Variants in GNAQ observed in about 807,000 individuals in gnomAD.
The protein encoded by GNAQ is G protein subunit alpha q.
GNAQ carries 8 observed loss-of-function variants against 43.9 expected under a neutral mutation model. The ratio of observed to expected loss-of-function variants is 0.18; its 90% CI spans 0.11 to 0.33. GNAQ has a LOEUF of 0.33. GNAQ is among the 10% of genes least tolerant of loss of function. GNAQ has a pLI of 1.00. For missense variants in GNAQ, 158 were observed against 450.8 expected, an observed-to-expected ratio of 0.35 and a Z score of 5.88; for synonymous variants, 155 against 170.7, an observed-to-expected ratio of 0.91 and a Z score of 0.71.
At chr9:77,964,851 T>C (rs956134934) in intron 1 of GNAQ, among the ~76,000 whole-genome samples, 1 of 152,116 alleles carries the variant, frequency 6.6e-6, no homozygotes, top group African/African-American at 2.4e-5. Context: ...GAACTCATTT[T>C]TATAACTAAT....
At chr9:77,958,491 A>C (rs1257118989) in intron 1 of GNAQ, among the ~76,000 whole-genome samples, 1 of 152,252 alleles carries the variant, frequency 6.6e-6, no homozygotes, top group Non-Finnish European at 1.5e-5. Flanking sequence ...CTATTCACTA[A>C]TGGGAAAATT....
At chr9:78,010,689 T>A (rs1823763343) in intron 1 of GNAQ, among the ~76,000 whole-genome samples, 1 of 151,780 alleles carries the variant, frequency 6.6e-6, no homozygotes, top group Non-Finnish European at 1.5e-5. Flanking sequence ...AGAAAAAAAA[T>A]GTAGAAAGAA....
intron 2 of GNAQ, among the ~76,000 whole-genome samples, chr9:77,860,461 G>A (rs1217703666): frequency 6.6e-6 from 1 of 152,220 alleles, no homozygotes; most frequent in Non-Finnish European, 1.5e-5. Flanking sequence ...CAGAGATTGA[G>A]TAGGTGAGGC....
At chr9:77,781,009 A>G (rs183417842) in intron 5 of GNAQ, among the ~76,000 whole-genome samples, 4 of 145,670 alleles carry the variant, frequency 2.7e-5, no homozygotes, top group African/African-American at 7.6e-5. Flanking sequence ...TTCTAGATAT[A>G]TATTAACCCC....
intron 2 of GNAQ, among the ~76,000 whole-genome samples, chr9:77,835,677 T>C (rs552818061): frequency 6.6e-6 from 1 of 152,154 alleles, no homozygotes; most frequent in Non-Finnish European, 1.5e-5. Flanking sequence ...TTAAGGTAGG[T>C]AATACTATTA....
intron 1 of GNAQ, among the ~76,000 whole-genome samples, chr9:77,981,973 C>T (rs763382079): frequency 2.0e-4 from 31 of 152,138 alleles, no homozygotes; most frequent in Non-Finnish European, 4.3e-4. Context: ...GAGGAGGGTG[C>T]TCTGTTCTGT....
At chr9:77,767,868 A>C (rs916019669) in intron 5 of GNAQ, among the ~76,000 whole-genome samples, 3 of 152,160 alleles carry the variant, frequency 2.0e-5, no homozygotes, top group African/African-American at 7.2e-5. Context: ...AGAGTACCCT[A>C]ATATACTCTC....
chr9:77,947,884 G>C (rs1822924217), intron 1 of GNAQ, among the ~76,000 whole-genome samples: 2 of 152,126 alleles, frequency 1.3e-5, no homozygotes, highest in Non-Finnish European at 2.9e-5. Flanking sequence ...TCACAGCCCA[G>C]CTACTTAACA....
rs139889646 is a variant in GNAQ at position 77,981,136 on chromosome 9, T to C, written c.136+49964A>G. Among the ~76,000 whole-genome samples, 384 of 152,338 alleles carry C rather than the reference T, an allele frequency of 2.5e-3. 4 individuals carry two copies. Among genetic ancestry groups the C allele is most frequent in the African/African-American group, 8.5e-3 (355 of 41,576 alleles). ...TATTTAATTACATTAGTATACAATA[T>C]TATGTAAGCCTTTACTTTCATTATT... is the stretch of plus-strand genomic sequence containing the variant. On this transcript the variant is annotated intron_variant, in intron 1 of 6. Coordinates refer to ENST00000286548, the MANE Select transcript of GNAQ (RefSeq NM_002072.5).
At chr9:77,755,570 T>C (rs944373318) in intron 5 of GNAQ, among the ~76,000 whole-genome samples, 1 of 152,232 alleles carries the variant, frequency 6.6e-6, no homozygotes, top group Admixed American at 6.5e-5. Context: ...AAGAACATGT[T>C]TGTGCATGTA....
At chr9:77,782,970 T>C (rs1288876331) in intron 5 of GNAQ, among the ~76,000 whole-genome samples, 2 of 152,158 alleles carry the variant, frequency 1.3e-5, no homozygotes, top group Admixed American at 6.5e-5. Flanking sequence ...GAAAGATTAG[T>C]GGTTGCCAAA....
chr9:77,789,420 C>T (rs750170129), intron 5 of GNAQ, among the ~76,000 whole-genome samples: 30 of 151,876 alleles, frequency 2.0e-4, no homozygotes, highest in African/African-American at 6.0e-4. Context: ...AAAGATAACC[C>T]AAAGGAAAAA....
intron 1 of GNAQ, among the ~76,000 whole-genome samples, chr9:77,984,411 C>T (rs1409710159): frequency 1.3e-5 from 2 of 152,018 alleles, no homozygotes; most frequent in Admixed American, 1.3e-4. Context: ...TCAAGCAATT[C>T]GGCCTCCCAA....
chr9:77,976,441 G>T (rs931106115), intron 1 of GNAQ, among the ~76,000 whole-genome samples: 1 of 151,940 alleles, frequency 6.6e-6, no homozygotes. Context: ...TGCCCAGGCT[G>T]GAGTGCAATG....
chr9:78,011,316 A>G (rs1294743852), intron 1 of GNAQ, among the ~76,000 whole-genome samples: 4 of 152,184 alleles, frequency 2.6e-5, no homozygotes, highest in Admixed American at 2.0e-4. Flanking sequence ...GACCCAAGAC[A>G]AATAGGGAAG....
chr9:77,855,684 G>C (rs1587947100), intron 2 of GNAQ, among the ~76,000 whole-genome samples: 1 of 151,850 alleles, frequency 6.6e-6, no homozygotes, highest in Non-Finnish European at 1.5e-5. Flanking sequence ...AGTATTTCAA[G>C]GCAAAGATGC....
intron 2 of GNAQ, among the ~76,000 whole-genome samples, chr9:77,826,885 C>T (rs1465911922): frequency 1.3e-5 from 2 of 152,176 alleles, no homozygotes; most frequent in Non-Finnish European, 2.9e-5. Context: ...CTTACACAAC[C>T]CTTTTTTTGT....
rs562254223 is a variant in GNAQ at position 77,982,733 on chromosome 9, T to TA, written c.136+48366dup. 2.2e-3 allele frequency among the ~76,000 whole-genome samples: 266 copies of TA among 121,816 alleles called. 1 individual carries two copies. Among genetic ancestry groups the TA allele is most frequent in the African/African-American group, 2.6e-3 (85 of 32,664 alleles). 79.9% of individuals were successfully genotyped at this position (121,816 alleles called of 152,430 possible). On this transcript the variant is annotated intron_variant, in intron 1 of 6. Transcript: ENST00000286548. ...TGTATCGAACTGTTGATTCTATGTT[T>TA]AAAAAAAAAAAAAAAAAAGTCAAAA...
In GNAQ at chr9:77,955,254, C is replaced by T. The variant is rs1000161952; in HGVS notation, c.137-32909G>A. On this transcript the variant is annotated intron_variant, in intron 1 of 6. Coordinates refer to ENST00000286548, the MANE Select transcript of GNAQ (RefSeq NM_002072.5). Reference sequence around the variant, plus strand: ...GCCGCCCAGGTTCAAGCAATTCTTCCGCCTCAGCCTCCTGAGTAGCTGGGA... The same window carrying T: ...GCCGCCCAGGTTCAAGCAATTCTTCTGCCTCAGCCTCCTGAGTAGCTGGGA... Among the ~76,000 whole-genome samples the T allele has an allele frequency of 7.9e-5, 12 of 152,198 alleles. No individual in the cohort carries two copies. The South Asian group carries it at 1.2e-3, about 16-fold the overall frequency.
Sources: allele counts gnomAD v4.1 joint callset (sites outside exome capture counted in the v4.1 genomes callset), GRCh38; gene constraint gnomAD v4.1.1; transcripts MANE v1.5; gene names NCBI Gene and HGNC (gene_info 2026-07-23, HGNC 2026-07-21).